Variants in ACP6 observed in about 807,000 individuals in gnomAD.
ACP6 encodes the protein lysophosphatidic acid phosphatase type 6.
In ACP6, 48 loss-of-function variants were observed where a neutral mutation model predicts 48.1. That is an observed-to-expected ratio of 1.00 (90% CI 0.79 to 1.27). The LOEUF is 1.27. Ranked by LOEUF, ACP6 falls within the 50% of genes most tolerant of loss-of-function variation. ACP6 has a pLI of 0.00. For missense variants in ACP6, 485 were observed against 529.1 expected, an observed-to-expected ratio of 0.92 and a Z score of 0.82; for synonymous variants, 172 against 204.2, an observed-to-expected ratio of 0.84 and a Z score of 1.34.
At chr1:147,666,071 C>T (rs1358891792) in intron 1 of ACP6, among the ~76,000 whole-genome samples, 2 of 152,202 alleles carry the variant, frequency 1.3e-5, no homozygotes, top group African/African-American at 2.4e-5. Context: ...TGCAGTAACA[C>T]GGTTACTAAA....
chr1:147,637,421 G>A (rs1404177742), downstream of ACP6, among the ~76,000 whole-genome samples: 3 of 152,094 alleles, frequency 2.0e-5, no homozygotes, highest in Non-Finnish European at 4.4e-5. Context: ...TCTGCGTGTG[G>A]TCCTCAGTGC....
downstream of ACP6, among the ~76,000 whole-genome samples, chr1:147,638,692 C>T (rs372337710): frequency 2.0e-5 from 3 of 152,146 alleles, no homozygotes; most frequent in African/African-American, 7.2e-5. Context: ...TGCCTAGTTG[C>T]TTCAGTATCC....
exon 6 of ACP6, chr1:147,629,952 G>A (rs943062309): frequency 6.6e-6 from 1 of 152,148 alleles, no homozygotes; most frequent in Non-Finnish European, 1.5e-5. Context: ...AGAGGAAGAC[G>A]GTGAGTGTAT....
Position 147,654,329 on chromosome 1 carries a change from G to C in ACP6, c.648-3C>G. On this transcript the variant is annotated splice_polypyrimidine_tract_variant and splice_region_variant and intron_variant, in intron 5 of 9. Coordinates refer to ENST00000583509, the MANE Select transcript of ACP6 (RefSeq NM_016361.5). ...AAGAGGCAGTCTGCCTCCGGCCTCT[G>C]ACAAAAAATAAAAAGTAAAGCCTTA... 1 of 1,613,040 alleles carries C rather than the reference G, an allele frequency of 6.2e-7. No homozygotes were observed. Among genetic ancestry groups the C allele is most frequent in the Non-Finnish European group, 8.5e-7 (1 of 1,179,734 alleles).
At chr1:147,661,569 C>T (rs1458123220) in intron 1 of ACP6, among the ~76,000 whole-genome samples, 1 of 152,064 alleles carries the variant, frequency 6.6e-6, no homozygotes, top group African/African-American at 2.4e-5. Flanking sequence ...AGTTAATAAC[C>T]CTACAATGGC....
chr1:147,669,807 C>T, intron 1 of ACP6, 23 bp downstream of exon 1: 1 of 1,549,080 alleles, frequency 6.5e-7, no homozygotes, highest in South Asian at 1.2e-5. Context: ...CCCCACCAGC[C>T]CCAGCCCGGG....
At chr1:147,647,610 CCTT>C in intron 9 of ACP6, 44 bp from the exon 10 acceptor site, 2 of 1,591,238 alleles carry the variant, frequency 1.3e-6, no homozygotes, top group African/African-American at 1.3e-5. Flanking sequence ...AGGAACCTGT[CCTT>C]CTGCTATTTC....
rs587729911 is a variant in ACP6, at chr1:147,646,453, T to C, written c.*970A>G. Reference sequence around the variant, plus strand: ...GATCTGGAAGTTGTCAATATTAAGATAGTAGGAAGTGGAGAGGCTTTTGTG... The same window carrying C: ...GATCTGGAAGTTGTCAATATTAAGACAGTAGGAAGTGGAGAGGCTTTTGTG... On this transcript the variant is annotated 3_prime_UTR_variant, in exon 10 of 10. Transcript: ENST00000583509. 10 of 152,286 alleles carry C rather than the reference T, an allele frequency of 6.6e-5. No individual in the cohort carries two copies. The highest frequency in any genetic ancestry group is 2.2e-4 in the African/African-American group (9 of 41,540). 9.4% of individuals were successfully genotyped at this position (152,286 alleles called of 1,614,324 possible).
At chr1:147,632,901 C>T (rs1461632273) in intron 5 of ACP6, among the ~76,000 whole-genome samples, 1 of 152,018 alleles carries the variant, frequency 6.6e-6, no homozygotes, top group African/African-American at 2.4e-5. Context: ...AAGGAAGAAC[C>T]CCCAAGACTT....
chr1:147,631,539 G>C (rs1290377785), intron 5 of ACP6, among the ~76,000 whole-genome samples: 1 of 152,132 alleles, frequency 6.6e-6, no homozygotes, highest in South Asian at 2.1e-4. Context: ...GAATTGGCTG[G>C]ACACTGTGGC....
chr1:147,636,295 C>G (rs1659298980), intron 5 of ACP6, among the ~76,000 whole-genome samples: 1 of 152,016 alleles, frequency 6.6e-6, no homozygotes, highest in Non-Finnish European at 1.5e-5. Flanking sequence ...AGAAGTACTA[C>G]TAATTTAAGA....
chr1:147,661,479 C>T (rs1342513560), intron 1 of ACP6, among the ~76,000 whole-genome samples: 1 of 152,120 alleles, frequency 6.6e-6, no homozygotes, highest in Non-Finnish European at 1.5e-5. Context: ...GAGTGCTCTG[C>T]TGACTGGTAT....
chr1:147,654,053 C>T (rs1660100991), intron 6 of ACP6, 141 bp downstream of exon 6: 1 of 1,400,964 alleles, frequency 7.1e-7, no homozygotes, highest in Non-Finnish European at 9.5e-7. Context: ...ATCCCTCAGT[C>T]CCCACACCCA....
At chr1:147,641,966 G>C (rs1166147977), downstream of ACP6, among the ~76,000 whole-genome samples, 2 of 152,158 alleles carry the variant, frequency 1.3e-5, no homozygotes, top group Non-Finnish European at 2.9e-5. Flanking sequence ...AAAGAGAAAA[G>C]GGAAAATAAG....
chr1:147,640,569 A>C (rs1425623048), downstream of ACP6, among the ~76,000 whole-genome samples: 1 of 152,192 alleles, frequency 6.6e-6, no homozygotes, highest in African/African-American at 2.4e-5. Context: ...GCTATATTAG[A>C]GTCCCATTGC....
chr1:147,669,754 A>G lies in ACP6; in HGVS notation c.219+76T>C. ...GCTCCGCGCGAGTAAAGCTCTGAAG[A>G]TGTGTGTCAGGGCGAGACTCCTGGC... On this transcript the variant is annotated intron_variant, in intron 1 of 9. Coordinates refer to ENST00000583509, the MANE Select transcript of ACP6 (RefSeq NM_016361.5). 4.3e-6 allele frequency: 6 copies of G among 1,404,872 alleles called. No individual in the cohort carries two copies. The South Asian group carries it at 5.5e-5, about 13-fold the overall frequency. The allele number at this position is 1,404,872 out of a possible 1,614,324, so 87.0% of individuals were successfully genotyped here.
chr1:147,668,125 G>A (rs1286636629), intron 1 of ACP6, among the ~76,000 whole-genome samples: 4 of 152,160 alleles, frequency 2.6e-5, no homozygotes, highest in Non-Finnish European at 5.9e-5. Context: ...GTTCACCCCT[G>A]ATTTTCATGC....
chr1:147,650,941 T>G (rs2148904821), intron 7 of ACP6: 1 of 152,306 alleles, frequency 6.6e-6, no homozygotes, highest in Non-Finnish European at 1.5e-5. Flanking sequence ...CATGGAGACT[T>G]CAGAGACTGG....
At chr1:147,648,450 G>A (rs781875815) in intron 8 of ACP6, 39 bp from the exon 9 acceptor site, 1 of 1,609,018 alleles carries the variant, frequency 6.2e-7, no homozygotes, top group South Asian at 1.1e-5. Context: ...CTCTGCCTCA[G>A]GACTCTGAAG....
Sources: allele counts gnomAD v4.1 joint callset (sites outside exome capture counted in the v4.1 genomes callset), GRCh38; gene constraint gnomAD v4.1.1; transcripts MANE v1.5; gene names NCBI Gene and HGNC (gene_info 2026-07-23, HGNC 2026-07-21).